Variants in CNTNAP2 observed in about 807,000 individuals in gnomAD.
The protein encoded by CNTNAP2 is contactin-associated protein-like 2.
In CNTNAP2, 98 loss-of-function variants were observed where a neutral mutation model predicts 155.2. The observed-to-expected ratio is 0.63, with a 90% CI of 0.54 to 0.75. The LOEUF (loss-of-function observed/expected upper bound fraction) is 0.75, where lower values mean the gene tolerates loss of function less well. Ranked by LOEUF, CNTNAP2 falls within the 30% of genes least tolerant of loss-of-function variation. The pLI is 0.00. For missense variants in CNTNAP2, 1,727 were observed against 1,688.1 expected, an observed-to-expected ratio of 1.02 and a Z score of -0.40; for synonymous variants, 651 against 631.2, an observed-to-expected ratio of 1.03 and a Z score of -0.47.
intron 8 of CNTNAP2, among the ~76,000 whole-genome samples, chr7:147,235,469 C>T (rs1448864054): frequency 6.6e-6 from 1 of 151,858 alleles, no homozygotes; most frequent in African/African-American, 2.4e-5. Context: ...CCAGACTTCC[C>T]CACTATGAGA....
At chr7:146,259,040 G>C (rs1435424317) in intron 1 of CNTNAP2, among the ~76,000 whole-genome samples, 1 of 152,004 alleles carries the variant, frequency 6.6e-6, no homozygotes, top group Non-Finnish European at 1.5e-5. Context: ...TGATAGTGAG[G>C]GAGTTCTCAT....
At chr7:146,303,507 G>A (rs1344734664) in intron 1 of CNTNAP2, among the ~76,000 whole-genome samples, 2 of 151,926 alleles carry the variant, frequency 1.3e-5, no homozygotes, top group Non-Finnish European at 2.9e-5. Context: ...CAGTTCTGTT[G>A]AACTTATTCC....
At chr7:146,418,798 A>C (rs563266766) in intron 1 of CNTNAP2, among the ~76,000 whole-genome samples, 1 of 152,112 alleles carries the variant, frequency 6.6e-6, no homozygotes, top group Non-Finnish European at 1.5e-5. Flanking sequence ...TCAATTTGAG[A>C]TGAGGTCATT....
rs571567946 is a variant in CNTNAP2 at position 147,706,883 on chromosome 7, G to A, written c.2098+67577G>A. Among the ~76,000 whole-genome samples the A allele has an allele frequency of 2.0e-3, 304 of 151,418 alleles. 1 individual carries two copies. Among genetic ancestry groups the A allele is most frequent in the African/African-American group, 6.6e-3 (273 of 41,430 alleles). On this transcript the variant is annotated intron_variant, in intron 13 of 23. Coordinates refer to ENST00000361727, the MANE Select transcript of CNTNAP2 (RefSeq NM_014141.6). ...TTTCAAAAGACCGCTCTTAAAGTTCGGAAATTCTTTCTTCTCTTTCATCTA... is the reference window on the plus strand; with the variant it reads ...TTTCAAAAGACCGCTCTTAAAGTTCAGAAATTCTTTCTTCTCTTTCATCTA...
chr7:146,574,416 A>G (rs1798491021), intron 1 of CNTNAP2, among the ~76,000 whole-genome samples: 1 of 152,046 alleles, frequency 6.6e-6, no homozygotes, highest in African/African-American at 2.4e-5. Context: ...CATACAAAAC[A>G]ATTAGGCCAG....
chr7:147,861,002 C>T lies in CNTNAP2; in HGVS notation c.2099-42563C>T, dbSNP rs540489759. Among the ~76,000 whole-genome samples, 18 of 152,328 alleles carry T rather than the reference C, an allele frequency of 1.2e-4. No homozygotes were observed. In the South Asian group the frequency reaches 3.7e-3, roughly 32 times the overall value. On this transcript the variant is annotated intron_variant, in intron 13 of 23. Coordinates refer to ENST00000361727, the MANE Select transcript of CNTNAP2 (RefSeq NM_014141.6). ...TTCCTCAAGTGGATAAAAACAATTA[C>T]AGCTTTTTTTCACTAGTCTACTAAA...
chr7:147,926,952 A>C (rs1800407530), intron 14 of CNTNAP2, among the ~76,000 whole-genome samples: 1 of 152,212 alleles, frequency 6.6e-6, no homozygotes, highest in Non-Finnish European at 1.5e-5. Context: ...GTTAGTTACA[A>C]AGAATAAAAT....
intron 1 of CNTNAP2, among the ~76,000 whole-genome samples, chr7:146,257,273 A>G (rs1799854234): frequency 6.6e-6 from 1 of 152,194 alleles, no homozygotes; most frequent in South Asian, 2.1e-4. Flanking sequence ...AAAAAGTACA[A>G]CTGGAAATTA....
chr7:146,170,984 G>A (rs1002155481), intron 1 of CNTNAP2, among the ~76,000 whole-genome samples: 3 of 152,016 alleles, frequency 2.0e-5, no homozygotes, highest in East Asian at 1.9e-4. Context: ...CCGAGATTGC[G>A]CCATTGCACA....
intron 1 of CNTNAP2, among the ~76,000 whole-genome samples, chr7:146,379,971 G>C (rs757878348): frequency 2.6e-5 from 4 of 152,164 alleles, no homozygotes; most frequent in Non-Finnish European, 4.4e-5. Context: ...AATGTAAGCT[G>C]TTTTAAAATT....
chr7:146,977,433 T>C (rs1797933540), intron 3 of CNTNAP2, among the ~76,000 whole-genome samples: 1 of 152,188 alleles, frequency 6.6e-6, no homozygotes, highest in South Asian at 2.1e-4. Context: ...ATATAATTAT[T>C]GAGTGATCGT....
At chr7:147,592,288 T>A (rs1426394925) in intron 12 of CNTNAP2, among the ~76,000 whole-genome samples, 1 of 152,148 alleles carries the variant, frequency 6.6e-6, no homozygotes, top group African/African-American at 2.4e-5. Flanking sequence ...CTAAAGCTAA[T>A]ATTCTAATGG....
At chr7:146,571,971 G>A (rs986443639) in intron 1 of CNTNAP2, among the ~76,000 whole-genome samples, 6 of 152,024 alleles carry the variant, frequency 3.9e-5, no homozygotes, top group Admixed American at 6.6e-5. Context: ...CCCCCACCTC[G>A]GCCTCCCGAA....
At chr7:146,269,947 TATGCTGCTGTCTTTGTTAAACATGG>T (rs1175970625) in intron 1 of CNTNAP2, among the ~76,000 whole-genome samples, 1 of 152,188 alleles carries the variant, frequency 6.6e-6, no homozygotes, top group Non-Finnish European at 1.5e-5. Context: ...AGATCTTTTA[TATGCTGCTGTCTTTGTTAAACATGG>T]GAGGCTCAAA....
rs1057522590 is a variant in CNTNAP2 at position 148,415,610 on chromosome 7, C to G, written c.3990C>G (p.Leu1330=). The G allele has an allele frequency of 1.2e-6, 2 of 1,614,078 alleles. No individual in the cohort carries two copies. Among genetic ancestry groups the G allele is most frequent in the South Asian group, 2.2e-5 (2 of 91,080 alleles). The change falls in exon 24 of 24, where the codon CTC becomes CTG. Residue 1330 remains leucine, a synonymous_variant. Transcript: ENST00000361727. ...ETIDESKKEW[L]I is the part of the protein sequence containing the mutation. ...TTGATGAAAGCAAAAAGGAATGGCT[C>G]ATTTGAGGGGTGGCTACTTGGCTAT...
Position 147,395,778 on chromosome 7 carries a change from C to T in CNTNAP2, c.1668C>T (p.Asp556=). The T allele has an allele frequency of 6.2e-7, 1 of 1,611,896 alleles. No homozygotes were observed. Among genetic ancestry groups the T allele is most frequent in the South Asian group, 1.1e-5 (1 of 91,048 alleles). The change falls in exon 10 of 24, where the codon GAC becomes GAT. Residue 556 remains aspartate (D), a splice_region_variant and synonymous_variant. Transcript: ENST00000361727. ...NVSIDMCAII[D]RCVPNHCEHG... is the part of the protein sequence containing the mutation. ...GCATTGACATGTGTGCGATCATAGA[C>T]AGGTAAATGATCTTTTCATCCTACC...
intron 8 of CNTNAP2, among the ~76,000 whole-genome samples, chr7:147,227,593 C>T (rs1803577701): frequency 6.6e-6 from 1 of 152,078 alleles, no homozygotes; most frequent in Non-Finnish European, 1.5e-5. Context: ...GGAACAGTGA[C>T]AGTGAGGGTC....
At chr7:146,448,372 AG>A (rs199999539) in intron 1 of CNTNAP2, among the ~76,000 whole-genome samples, 5,410 of 151,666 alleles carry the variant, frequency 0.036, 341 homozygotes, top group African/African-American at 0.12. Context: ...TAATTTCAGA[AG>A]GGGGATAAAG....
At chr7:148,312,057 G>A (rs1277704775) in intron 21 of CNTNAP2, among the ~76,000 whole-genome samples, 1 of 152,176 alleles carries the variant, frequency 6.6e-6, no homozygotes, top group Non-Finnish European at 1.5e-5. Flanking sequence ...TGGAAGTTAT[G>A]AGAACTGTAG....
Sources: allele counts gnomAD v4.1 joint callset (sites outside exome capture counted in the v4.1 genomes callset), GRCh38; gene constraint gnomAD v4.1.1; transcripts MANE v1.5; gene names NCBI Gene and HGNC (gene_info 2026-07-23, HGNC 2026-07-21).